The following R3HDM1 variants were observed in gnomAD, a reference collection of about 807,000 sequenced individuals.
R3HDM1 encodes the protein R3H domain containing 1, also known as R3H domain-containing protein 1.
Under a neutral mutation model 141.1 loss-of-function variants are expected in R3HDM1, and 46 were observed. The observed-to-expected ratio is 0.33, with a 90% CI of 0.26 to 0.42. The LOEUF is 0.42. Ranked by LOEUF, R3HDM1 falls within the 10% of genes least tolerant of loss-of-function variation. The pLI is 1.00. For synonymous variants in R3HDM1, 435 were observed against 472.9 expected (o/e 0.92, Z 1.04); for missense variants, 1,184 against 1,368.3 (o/e 0.87, Z 2.12).
At chr2:135,536,179 A>AG (rs1696065594) in intron 1 of R3HDM1, among the ~76,000 whole-genome samples, 1 of 152,086 alleles carries the variant, frequency 6.6e-6, no homozygotes, top group Non-Finnish European at 1.5e-5. Context: ...TCACCCTGTC[A>AG]CCCAGACTGG....
intron 1 of R3HDM1, chr2:135,534,007 G>A: frequency 4.1e-6 from 4 of 985,344 alleles, no homozygotes; most frequent in Non-Finnish European, 4.8e-6. Context: ...TTCATATGCT[G>A]AGGGTGTTGT....
At chr2:135,558,417 G>T (rs2104950341) in intron 1 of R3HDM1, among the ~76,000 whole-genome samples, 1 of 152,228 alleles carries the variant, frequency 6.6e-6, no homozygotes, top group Non-Finnish European at 1.5e-5. Context: ...AAGATATTGG[G>T]GAGTTTTACA....
At chr2:135,567,796 G>A (rs1445088452) in intron 1 of R3HDM1, among the ~76,000 whole-genome samples, 1 of 151,358 alleles carries the variant, frequency 6.6e-6, no homozygotes, top group Non-Finnish European at 1.5e-5. Flanking sequence ...CTGGAGTGCA[G>A]AGGCACAGTC....
At chr2:135,622,536 A>AT (rs2061609985) in intron 6 of R3HDM1, 118 bp from the exon 7 acceptor site, 1 of 1,350,228 alleles carries the variant, frequency 7.4e-7, no homozygotes, top group South Asian at 2.1e-5. Context: ...ACTTTGTCGA[A>AT]TTTTTTTCAA....
intron 14 of R3HDM1, 136 bp downstream of exon 14, chr2:135,639,258 A>G (rs957193215): frequency 6.6e-6 from 5 of 754,498 alleles, no homozygotes; most frequent in Non-Finnish European, 8.6e-6. Flanking sequence ...CCACCTCCGG[A>G]GCACTTAAGG....
At chr2:135,663,308 T>C (rs970721803) in intron 19 of R3HDM1, among the ~76,000 whole-genome samples, 3 of 152,174 alleles carry the variant, frequency 2.0e-5, no homozygotes, top group Non-Finnish European at 4.4e-5. Context: ...ATAAATCAGG[T>C]TGCATCTGGA....
intron 18 of R3HDM1, among the ~76,000 whole-genome samples, chr2:135,656,754 C>T (rs183009927): frequency 1.9e-4 from 29 of 152,242 alleles, no homozygotes; most frequent in African/African-American, 5.8e-4. Context: ...CATTGCATCT[C>T]TATATATTAT....
chr2:135,696,394 C>A (rs1401708670), intron 21 of R3HDM1, among the ~76,000 whole-genome samples: 1 of 152,098 alleles, frequency 6.6e-6, no homozygotes, highest in East Asian at 1.9e-4. Context: ...TTTGGTGAGG[C>A]TTTATGGTGT....
At chr2:135,650,643 T>C (rs920234157) in intron 17 of R3HDM1, 13 of 983,428 alleles carry the variant, frequency 1.3e-5, no homozygotes, top group African/African-American at 1.7e-5. Context: ...TAGGTACATT[T>C]TTTTTCCTTT....
At chr2:135,693,388 T>A (rs1040479828) in intron 21 of R3HDM1, among the ~76,000 whole-genome samples, 2 of 149,270 alleles carry the variant, frequency 1.3e-5, no homozygotes, top group African/African-American at 2.5e-5. Flanking sequence ...GAGGCAGTGG[T>A]CACAAATGAA....
intron 1 of R3HDM1, among the ~76,000 whole-genome samples, chr2:135,537,227 G>A (rs1028575377): frequency 8.3e-5 from 12 of 145,322 alleles, no homozygotes; most frequent in Non-Finnish European, 1.5e-4. Context: ...TTCTTTGTAC[G>A]TGTATGCAAC....
At chr2:135,583,658 A>G in intron 1 of R3HDM1, 2 of 850,278 alleles carry the variant, frequency 2.4e-6, no homozygotes, top group Non-Finnish European at 2.8e-6. Context: ...TTACCCTAAG[A>G]TGGCCCTTGG....
chr2:135,538,458 T>C (rs942481970), intron 1 of R3HDM1, among the ~76,000 whole-genome samples: 5 of 152,350 alleles, frequency 3.3e-5, no homozygotes, highest in African/African-American at 1.2e-4. Flanking sequence ...AATTAACTTG[T>C]TTGCAGTAAC....
intron 21 of R3HDM1, among the ~76,000 whole-genome samples, chr2:135,696,516 C>T (rs529263964): frequency 6.6e-6 from 1 of 152,218 alleles, no homozygotes; most frequent in South Asian, 2.1e-4. Flanking sequence ...TTCTTAGAGA[C>T]TGGTTCTTGC....
intron 3 of R3HDM1, 108 bp downstream of exon 3, chr2:135,605,124 C>A: frequency 1.0e-6 from 1 of 963,902 alleles, no homozygotes; most frequent in Non-Finnish European, 1.5e-6. Flanking sequence ...TAAGTTGACC[C>A]TTCGTGACAT....
chr2:135,571,063 A>G (rs1703987024), intron 1 of R3HDM1, among the ~76,000 whole-genome samples: 1 of 152,230 alleles, frequency 6.6e-6, no homozygotes, highest in African/African-American at 2.4e-5. Flanking sequence ...ACATGCCTAT[A>G]CTGCCAGAAA....
At chr2:135,573,937 A>G (rs1376301250) in intron 1 of R3HDM1, among the ~76,000 whole-genome samples, 1 of 152,160 alleles carries the variant, frequency 6.6e-6, no homozygotes, top group Non-Finnish European at 1.5e-5. Context: ...ATGAACATAA[A>G]TGAATTAAAT....
intron 19 of R3HDM1, among the ~76,000 whole-genome samples, chr2:135,663,557 TA>T (rs778675867): frequency 1.1e-4 from 16 of 152,334 alleles, no homozygotes; most frequent in Non-Finnish European, 1.8e-4. Context: ...TTTGTTATGC[TA>T]ATAAGTATCA....
At chr2:135,600,422 C>A (rs938119340) in intron 1 of R3HDM1, among the ~76,000 whole-genome samples, 1 of 152,086 alleles carries the variant, frequency 6.6e-6, no homozygotes, top group Non-Finnish European at 1.5e-5. Context: ...GGATTCTGAC[C>A]AGAGAAGACA....
Sources: gnomAD v4.1 joint callset for allele counts (sites outside exome capture counted in the v4.1 genomes callset) on GRCh38, gnomAD v4.1.1 for gene constraint, MANE v1.5 for transcripts, NCBI Gene and HGNC (gene_info 2026-07-23, HGNC 2026-07-21) for gene names.